Variants in ZNF704 observed in about 807,000 individuals in gnomAD.
The protein encoded by ZNF704 is zinc finger protein 704.
Under a neutral mutation model 44.7 loss-of-function variants are expected in ZNF704, and 10 were observed. That is an observed-to-expected ratio of 0.22 (90% confidence interval 0.14 to 0.38). The LOEUF is 0.38. Ranked by LOEUF, ZNF704 falls within the 10% of genes least tolerant of loss-of-function variation. The pLI is 1.00. For synonymous variants in ZNF704, 211 were observed against 207.6 expected (o/e 1.02, Z -0.14); for missense variants, 390 against 545.5 (o/e 0.71, Z 2.84).
chr8:80,861,895 C>T (rs368509154), intron 1 of ZNF704, among the ~76,000 whole-genome samples: 9 of 151,662 alleles, frequency 5.9e-5, no homozygotes, highest in Admixed American at 1.3e-4. Flanking sequence ...TTCTCCTTCT[C>T]CATACAATCC....
chr8:80,675,739 TG>T (rs1228235789), intron 4 of ZNF704, among the ~76,000 whole-genome samples: 1 of 152,160 alleles, frequency 6.6e-6, no homozygotes, highest in Non-Finnish European at 1.5e-5. Context: ...GGGTGAGTTG[TG>T]GGTGAGTTTT....
intron 2 of ZNF704, among the ~76,000 whole-genome samples, chr8:80,767,734 G>A (rs1563546616): frequency 1.3e-5 from 2 of 152,130 alleles, no homozygotes; most frequent in African/African-American, 2.4e-5. Flanking sequence ...AATACCCCAG[G>A]TGTTCTCTTA....
intron 5 of ZNF704, among the ~76,000 whole-genome samples, chr8:80,670,292 A>G (rs1818258939): frequency 6.6e-6 from 1 of 152,206 alleles, no homozygotes; most frequent in African/African-American, 2.4e-5. Context: ...TAAGTGAACT[A>G]ATGAGGCTCT....
At chr8:80,656,133 C>T (rs1265264488) in intron 7 of ZNF704, among the ~76,000 whole-genome samples, 1 of 152,190 alleles carries the variant, frequency 6.6e-6, no homozygotes, top group Non-Finnish European at 1.5e-5. Flanking sequence ...TCCATGCTTG[C>T]TCTCCCTGGC....
At chr8:80,805,357 GA>G (rs1331034469) in intron 2 of ZNF704, among the ~76,000 whole-genome samples, 1 of 152,086 alleles carries the variant, frequency 6.6e-6, no homozygotes, top group Non-Finnish European at 1.5e-5. Context: ...ACACAACCTG[GA>G]ATCCATACCT....
At chr8:80,861,413 T>C (rs1809059366) in intron 1 of ZNF704, among the ~76,000 whole-genome samples, 1 of 152,208 alleles carries the variant, frequency 6.6e-6, no homozygotes, top group Non-Finnish European at 1.5e-5. Flanking sequence ...AATAAAGTGT[T>C]ATTGGCAATG....
chr8:80,727,429 TTTTG>T (rs1253337802), intron 2 of ZNF704, among the ~76,000 whole-genome samples: 5 of 152,094 alleles, frequency 3.3e-5, no homozygotes, highest in Non-Finnish European at 7.4e-5. Context: ...TGGTTTTTGT[TTTTG>T]TTTTTTTTTT....
intron 4 of ZNF704, among the ~76,000 whole-genome samples, chr8:80,672,368 A>T (rs1300739006): frequency 6.6e-6 from 1 of 152,222 alleles, no homozygotes; most frequent in African/African-American, 2.4e-5. Context: ...GAGATTTCTC[A>T]AAGAACTAAA....
At chr8:80,875,501 A>C (rs2130093334), upstream of ZNF704, among the ~76,000 whole-genome samples, 1 of 152,158 alleles carries the variant, frequency 6.6e-6, no homozygotes, top group South Asian at 2.1e-4. Context: ...ACAGGGTTTC[A>C]CCATGTTGGC....
chr8:80,651,202 C>T (rs1817912986), intron 7 of ZNF704, among the ~76,000 whole-genome samples: 1 of 152,212 alleles, frequency 6.6e-6, no homozygotes, highest in African/African-American at 2.4e-5. Flanking sequence ...GTACCAGCCA[C>T]TGCAAAAACA....
chr8:80,850,903 C>T (rs1808847350), intron 1 of ZNF704, among the ~76,000 whole-genome samples: 1 of 152,194 alleles, frequency 6.6e-6, no homozygotes. Flanking sequence ...CCTGACCATC[C>T]TAGCCATCAG....
intron 2 of ZNF704, among the ~76,000 whole-genome samples, chr8:80,816,049 T>C (rs1808172087): frequency 6.6e-6 from 1 of 152,222 alleles, no homozygotes; most frequent in Non-Finnish European, 1.5e-5. Context: ...CCAGAGTCAC[T>C]GTCTGTTCTT....
At chr8:80,793,096 C>T (rs1040415792) in intron 2 of ZNF704, among the ~76,000 whole-genome samples, 5 of 152,098 alleles carry the variant, frequency 3.3e-5, no homozygotes, top group Admixed American at 6.5e-5. Context: ...CTAAAAATGG[C>T]ACATATGTAG....
intron 2 of ZNF704, among the ~76,000 whole-genome samples, chr8:80,781,517 A>T (rs775056036): frequency 3.3e-5 from 5 of 152,212 alleles, no homozygotes; most frequent in Non-Finnish European, 7.3e-5. Flanking sequence ...CAGGTGGTGA[A>T]CCAGATTTGG....
chr8:80,668,801 C>T lies in ZNF704; in HGVS notation c.659+1702G>A, dbSNP rs79349037. 2.8e-4 allele frequency among the ~76,000 whole-genome samples: 43 copies of T among 152,230 alleles called. No homozygotes were observed. The East Asian group carries it at 7.0e-3, about 25-fold the overall frequency. ...ACCAGCTAATACTCATTAAAAATGC[C>T]CCATCATCCTACAGCCATGTAATTG... is the stretch of plus-strand genomic sequence containing the variant. On this transcript the variant is annotated intron_variant, in intron 5 of 8. Transcript: ENST00000327835.
At chr8:80,787,031 T>C (rs751207472) in intron 2 of ZNF704, among the ~76,000 whole-genome samples, 14 of 152,174 alleles carry the variant, frequency 9.2e-5, no homozygotes, top group Non-Finnish European at 1.5e-4. Context: ...ATTGAATAAG[T>C]GTGATTGAAG....
intron 1 of ZNF704, among the ~76,000 whole-genome samples, chr8:80,829,363 C>G (rs945620888): frequency 6.6e-6 from 1 of 152,014 alleles, no homozygotes; most frequent in Admixed American, 6.6e-5. Flanking sequence ...TATGTTACAA[C>G]AAGAAAACTC....
At chr8:80,668,627 G>A (rs901647962) in intron 5 of ZNF704, among the ~76,000 whole-genome samples, 6 of 152,230 alleles carry the variant, frequency 3.9e-5, no homozygotes, top group Non-Finnish European at 8.8e-5. Context: ...CCCACGTGGG[G>A]TTAAATCAGG....
At chr8:80,779,285 A>C (rs907066312) in intron 2 of ZNF704, among the ~76,000 whole-genome samples, 1 of 152,146 alleles carries the variant, frequency 6.6e-6, no homozygotes, top group South Asian at 2.1e-4. Flanking sequence ...ATTCTCCCCC[A>C]GGCTGGTGTG....
Sources: allele counts gnomAD v4.1 joint callset (sites outside exome capture counted in the v4.1 genomes callset), GRCh38; gene constraint gnomAD v4.1.1; transcripts MANE v1.5; gene names NCBI Gene and HGNC (gene_info 2026-07-23, HGNC 2026-07-21).